Variants in ZFHX3 observed in about 807,000 individuals in gnomAD.
ZFHX3 encodes the protein zinc finger homeobox protein 3.
Under a neutral mutation model 279.1 loss-of-function variants are expected in ZFHX3, and 42 were observed. That is an observed-to-expected ratio of 0.15 (90% CI 0.12 to 0.19). The LOEUF is 0.19. ZFHX3 is among the 10% of genes least tolerant of loss of function. The pLI is 1.00. For missense variants in ZFHX3, 4,981 were observed against 4,754.0 expected (o/e 1.05, Z -1.40); for synonymous variants, 2,293 against 1,957.8 (o/e 1.17, Z -4.52).
At chr16:73,710,565 C>A (rs1002792174) in intron 1 of ZFHX3, among the ~76,000 whole-genome samples, 2 of 152,160 alleles carry the variant, frequency 1.3e-5, no homozygotes, top group Non-Finnish European at 2.9e-5. Flanking sequence ...AAAACTAGGC[C>A]ACTGCAATGG....
At chr16:73,573,066 T>C (rs2051758381) in intron 2 of ZFHX3, among the ~76,000 whole-genome samples, 1 of 152,218 alleles carries the variant, frequency 6.6e-6, no homozygotes, top group African/African-American at 2.4e-5. Flanking sequence ...TTAGCTCCAT[T>C]ATTGTATATT....
At chr16:73,370,747 G>C (rs1434638666) in intron 3 of ZFHX3, among the ~76,000 whole-genome samples, 1 of 152,196 alleles carries the variant, frequency 6.6e-6, no homozygotes, top group Non-Finnish European at 1.5e-5. Context: ...ATCTTGGACT[G>C]TCATGGACAC....
At chr16:72,887,775 GGTGT>G (rs985375486) in intron 4 of ZFHX3, among the ~76,000 whole-genome samples, 2 of 151,588 alleles carry the variant, frequency 1.3e-5, no homozygotes, top group African/African-American at 4.9e-5. Context: ...GTATACAGGG[GGTGT>G]GTGTGTGTAC....
chr16:73,757,070 G>C (rs137941499), intron 1 of ZFHX3, among the ~76,000 whole-genome samples: 5 of 152,146 alleles, frequency 3.3e-5, no homozygotes, highest in Non-Finnish European at 1.5e-5. Context: ...GCTTACAGAT[G>C]CTTCAGTGTC....
At chr16:73,617,146 C>T (rs1158582756) in intron 2 of ZFHX3, among the ~76,000 whole-genome samples, 5 of 152,198 alleles carry the variant, frequency 3.3e-5, no homozygotes, top group Admixed American at 6.5e-5. Flanking sequence ...ACCCCTATTT[C>T]TCCACCATCT....
chr16:73,414,883 C>T (rs2017541301), intron 3 of ZFHX3, among the ~76,000 whole-genome samples: 1 of 152,196 alleles, frequency 6.6e-6, no homozygotes, highest in African/African-American at 2.4e-5. Flanking sequence ...CCAGTACATT[C>T]CTCTATTAGC....
rs111897596 is a variant in ZFHX3 at position 73,801,767 on chromosome 16, C to T, written c.-1608+89884G>A. The stretch of plus-strand genomic sequence containing the variant: ...GTCTACTTGACCCTGTTTTTATATG[C>T]GAGTGTGGTCATTGCTGTGTCTACA... On this transcript the variant is annotated intron_variant, in intron 1 of 17. Transcript: ENST00000641206. Among the ~76,000 whole-genome samples, 516 of 152,230 alleles carry T rather than the reference C, an allele frequency of 3.4e-3. 8 individuals are homozygous for T. Among genetic ancestry groups the T allele is most frequent in the African/African-American group, 0.012 (485 of 41,522 alleles).
chr16:73,685,340 G>C (rs375920446), intron 1 of ZFHX3, among the ~76,000 whole-genome samples: 3 of 152,170 alleles, frequency 2.0e-5, no homozygotes, highest in Non-Finnish European at 2.9e-5. Flanking sequence ...AAAAATGTAA[G>C]AGGGAGGCAG....
At chr16:72,919,439 G>A (rs1172777477) in intron 3 of ZFHX3, among the ~76,000 whole-genome samples, 1 of 152,164 alleles carries the variant, frequency 6.6e-6, no homozygotes, top group African/African-American at 2.4e-5. Flanking sequence ...GCGACTACAG[G>A]TGTGAGCCAG....
chr16:73,368,160 T>C (rs907786718), intron 3 of ZFHX3, among the ~76,000 whole-genome samples: 2 of 152,200 alleles, frequency 1.3e-5, no homozygotes, highest in African/African-American at 2.4e-5. Context: ...CATCAACCAC[T>C]GCACCCAGCT....
chr16:73,776,182 C>T (rs575508326), intron 1 of ZFHX3, among the ~76,000 whole-genome samples: 7 of 152,250 alleles, frequency 4.6e-5, no homozygotes, highest in Non-Finnish European at 7.4e-5. Flanking sequence ...GCTTCCTCCA[C>T]GTCCTCCTGG....
chr16:73,235,479 G>A (rs192789422), intron 5 of ZFHX3, among the ~76,000 whole-genome samples: 10 of 152,204 alleles, frequency 6.6e-5, no homozygotes, highest in South Asian at 2.1e-4. Flanking sequence ...GTCATAACTC[G>A]GAAATCTCCA....
chr16:73,338,651 C>T (rs376960988), intron 3 of ZFHX3, among the ~76,000 whole-genome samples: 1 of 152,086 alleles, frequency 6.6e-6, no homozygotes, highest in African/African-American at 2.4e-5. Context: ...ACATGCACCC[C>T]CACCCCTGCC....
chr16:72,895,557 C>A (rs983584465), intron 3 of ZFHX3, among the ~76,000 whole-genome samples: 1 of 152,234 alleles, frequency 6.6e-6, no homozygotes, highest in East Asian at 1.9e-4. Context: ...GGCGTGGTGG[C>A]TCACGCCTGT....
intron 2 of ZFHX3, among the ~76,000 whole-genome samples, chr16:73,608,065 C>A (rs2052208554): frequency 6.6e-6 from 1 of 150,744 alleles, no homozygotes; most frequent in African/African-American, 2.5e-5. Flanking sequence ...CAGAACAAGA[C>A]TCTGTCTCAA....
intron 2 of ZFHX3, among the ~76,000 whole-genome samples, chr16:73,618,573 G>C (rs2052327769): frequency 6.6e-6 from 1 of 152,168 alleles, no homozygotes; most frequent in Non-Finnish European, 1.5e-5. Context: ...AGAGATAAAA[G>C]AGCTGAGAAG....
intron 1 of ZFHX3, among the ~76,000 whole-genome samples, chr16:73,869,501 A>G (rs1962110033): frequency 6.6e-6 from 1 of 152,240 alleles, no homozygotes; most frequent in African/African-American, 2.4e-5. Flanking sequence ...TCTACTACAA[A>G]GGGATTGCCC....
chr16:73,052,074 A>C (rs1473467264), upstream of ZFHX3, among the ~76,000 whole-genome samples: 2 of 152,158 alleles, frequency 1.3e-5, no homozygotes, highest in Non-Finnish European at 2.9e-5. Flanking sequence ...CCACCGTCTG[A>C]CACATCCCTT....
intron 2 of ZFHX3, among the ~76,000 whole-genome samples, chr16:73,551,519 A>T (rs143149374): frequency 6.6e-6 from 1 of 152,274 alleles, no homozygotes; most frequent in East Asian, 1.9e-4. Context: ...AGGTGTAGTC[A>T]CTCTCAGGTT....
Sources: gnomAD v4.1 joint callset for allele counts (sites outside exome capture counted in the v4.1 genomes callset) on GRCh38, gnomAD v4.1.1 for gene constraint, MANE v1.5 for transcripts, NCBI Gene and HGNC (gene_info 2026-07-23, HGNC 2026-07-21) for gene names.